NPNT: variants seen among roughly 807,000 people sequenced by gnomAD.
NPNT encodes nephronectin.
Under a neutral mutation model 68.6 loss-of-function variants are expected in NPNT, and 45 were observed. The observed-to-expected ratio is 0.66, with a 90% CI of 0.52 to 0.84. The LOEUF (loss-of-function observed/expected upper bound fraction) is 0.84, where lower values mean the gene tolerates loss of function less well. Ranked by LOEUF, NPNT falls within the 40% of genes least tolerant of loss-of-function variation. The pLI is 0.00. For missense variants in NPNT, 672 were observed against 714.8 expected (o/e 0.94, Z 0.68); for synonymous variants, 233 against 253.3 (o/e 0.92, Z 0.76).
chr4:105,940,665 AT>A, intron 7 of NPNT, 29 bp downstream of exon 7: 2 of 1,605,020 alleles, frequency 1.2e-6, no homozygotes, highest in Non-Finnish European at 1.7e-6. Flanking sequence ...TCAGCTTTAA[AT>A]TCTAGCAGGA....
In NPNT at chr4:105,969,119, T is replaced by C. The variant is rs1732394739; in HGVS notation, c.*129T>C. On this transcript the variant is annotated 3_prime_UTR_variant, in exon 12 of 12. Transcript: ENST00000379987. ...GTCAGTGGGTCAGAAGGAAGTCTAT[T>C]TGGTGACCCAGGTTTTTCTGGCCTG... The C allele has an allele frequency of 3.3e-6, 2 of 608,326 alleles. No individual in the cohort carries two copies. Among genetic ancestry groups the C allele is most frequent in the Middle Eastern group, 3.4e-4 (1 of 2,932 alleles). 37.7% of individuals were successfully genotyped at this position (608,326 alleles called of 1,614,324 possible).
intron 8 of NPNT, among the ~76,000 whole-genome samples, chr4:105,944,630 A>C (rs528691600): frequency 6.6e-6 from 1 of 152,214 alleles, no homozygotes; most frequent in African/African-American, 2.4e-5. Context: ...ATTCATTATA[A>C]GAGAGTGTGA....
At chr4:105,963,524 G>A (rs1487022033) in intron 10 of NPNT, among the ~76,000 whole-genome samples, 1 of 152,116 alleles carries the variant, frequency 6.6e-6, no homozygotes, top group Non-Finnish European at 1.5e-5. Context: ...ACAGTGAGAT[G>A]TGAAATTAAC....
chr4:105,938,707 A>T (rs960604516), intron 5 of NPNT, among the ~76,000 whole-genome samples: 8 of 152,252 alleles, frequency 5.3e-5, no homozygotes, highest in African/African-American at 1.9e-4. Context: ...AGAAGAGCTC[A>T]GTATTCCTAG....
At chr4:105,905,625 A>G (rs1462126233) in intron 2 of NPNT, among the ~76,000 whole-genome samples, 9 of 152,184 alleles carry the variant, frequency 5.9e-5, no homozygotes, top group Non-Finnish European at 1.3e-4. Flanking sequence ...ATGCCATTAC[A>G]TGAATGAATG....
At chr4:105,962,213 C>CT (rs902590789) in intron 10 of NPNT, among the ~76,000 whole-genome samples, 15 of 152,056 alleles carry the variant, frequency 9.9e-5, no homozygotes, top group Non-Finnish European at 1.9e-4. Flanking sequence ...TTTGAGAATT[C>CT]TTTTTTTCTA....
intron 2 of NPNT, among the ~76,000 whole-genome samples, chr4:105,898,300 C>T (rs1273124075): frequency 1.6e-5 from 2 of 126,704 alleles, no homozygotes; most frequent in African/African-American, 4.0e-5. Flanking sequence ...TTCTCTCTCT[C>T]TCTCTCTCTC....
At chr4:105,949,281 C>T (rs1230502427) in intron 8 of NPNT, among the ~76,000 whole-genome samples, 1 of 152,122 alleles carries the variant, frequency 6.6e-6, no homozygotes, top group Non-Finnish European at 1.5e-5. Flanking sequence ...GTTGTTTTAA[C>T]CATGGGATTA....
intron 2 of NPNT, among the ~76,000 whole-genome samples, chr4:105,914,382 T>A (rs555081668): frequency 8.7e-5 from 12 of 137,206 alleles, no homozygotes; most frequent in African/African-American, 3.0e-4. Flanking sequence ...TCTATATATA[T>A]AATATATAAA....
At chr4:105,903,663 A>G (rs998337478) in intron 2 of NPNT, among the ~76,000 whole-genome samples, 1 of 151,866 alleles carries the variant, frequency 6.6e-6, no homozygotes, top group Non-Finnish European at 1.5e-5. Context: ...ATTGCAATAG[A>G]TCTCTCCCCT....
chr4:105,896,091 C>T, intron 1 of NPNT: 1 of 253,948 alleles, frequency 3.9e-6, no homozygotes, highest in Non-Finnish European at 7.6e-6. Context: ...GAAACTCCCG[C>T]GCCTGAACTA....
chr4:105,942,140 C>A (rs1221556032), intron 7 of NPNT, among the ~76,000 whole-genome samples, 167 bp from the exon 8 acceptor site: 1 of 145,918 alleles, frequency 6.9e-6, no homozygotes. Flanking sequence ...TATATATACA[C>A]ACATATATAT....
At chr4:105,928,142 C>A (rs1485365263) in intron 3 of NPNT, among the ~76,000 whole-genome samples, 1 of 152,026 alleles carries the variant, frequency 6.6e-6, no homozygotes, top group African/African-American at 2.4e-5. Flanking sequence ...AAGTGTCTTG[C>A]TCAGGTTCAC....
chr4:105,937,072 G>T lies in NPNT; in HGVS notation c.329G>T (p.Ser110Ile). 1 of 1,613,654 alleles carries T rather than the reference G, an allele frequency of 6.2e-7. No individual in the cohort carries two copies. Among genetic ancestry groups the T allele is most frequent in the Non-Finnish European group, 8.5e-7 (1 of 1,179,632 alleles). Residue 110 changes from serine to isoleucine, a missense_variant, in exon 4 of 12, where the codon AGC (serine) becomes ATC (isoleucine). Coordinates refer to ENST00000379987, the MANE Select transcript of NPNT (RefSeq NM_001033047.3). ...CKHRCMNTYG[S>I]YKCYCLNGYM... ...CACAGGTGCATGAACACTTACGGCA[G>T]CTACAAGTGCTACTGTCTCAACGGA...
chr4:105,943,886 G>A (rs564150455), intron 8 of NPNT, among the ~76,000 whole-genome samples: 271 of 152,236 alleles, frequency 1.8e-3, no homozygotes, highest in Non-Finnish European at 3.0e-3. Context: ...GAGGCAGACC[G>A]ATCGCTTGAG....
chr4:105,936,706 A>G (rs988865760), intron 3 of NPNT, among the ~76,000 whole-genome samples: 2 of 152,214 alleles, frequency 1.3e-5, no homozygotes, highest in African/African-American at 4.8e-5. Context: ...ATCTCTGCCC[A>G]TGAGGACGTT....
chr4:105,925,316 C>T (rs1728602092), intron 2 of NPNT, among the ~76,000 whole-genome samples: 1 of 152,068 alleles, frequency 6.6e-6, no homozygotes, highest in African/African-American at 2.4e-5. Context: ...TTTCTGTAGT[C>T]TTTTACATTA....
chr4:105,898,114 A>G (rs943105259), intron 2 of NPNT, 113 bp downstream of exon 2: 2 of 685,000 alleles, frequency 2.9e-6, no homozygotes, highest in Admixed American at 6.4e-5. Flanking sequence ...TTGGCCTTGC[A>G]GGTCTGACTT....
chr4:105,954,543 G>A (rs111614982), intron 8 of NPNT, among the ~76,000 whole-genome samples: 18 of 152,200 alleles, frequency 1.2e-4, no homozygotes, highest in African/African-American at 3.1e-4. Context: ...TTCAGAGGCC[G>A]CCAGTTTCCA....
Sources: allele counts gnomAD v4.1 joint callset (sites outside exome capture counted in the v4.1 genomes callset), GRCh38; gene constraint gnomAD v4.1.1; transcripts MANE v1.5; gene names NCBI Gene and HGNC (gene_info 2026-07-23, HGNC 2026-07-21).